Variants in PPP4R2 observed in about 807,000 individuals in gnomAD.
The protein encoded by PPP4R2 is serine/threonine-protein phosphatase 4 regulatory subunit 2.
PPP4R2 carries 13 observed loss-of-function variants against 47.2 expected under a neutral mutation model. That is an observed-to-expected ratio of 0.28 (90% CI 0.18 to 0.44). The LOEUF is 0.44. Among genes scored for constraint, PPP4R2 ranks in the 20% least tolerant of loss-of-function variants. PPP4R2 has a pLI of 1.00. For synonymous variants in PPP4R2, 151 were observed against 163.3 expected, an observed-to-expected ratio of 0.92 and a Z score of 0.57; for missense variants, 421 against 491.2, an observed-to-expected ratio of 0.86 and a Z score of 1.35.
At chr3:73,003,336 T>C (rs1312495950) in intron 2 of PPP4R2, among the ~76,000 whole-genome samples, 1 of 151,840 alleles carries the variant, frequency 6.6e-6, no homozygotes, top group Non-Finnish European at 1.5e-5. Context: ...CTCAGCCTCC[T>C]GAGTAGCTGG....
chr3:73,015,867 T>C, intron 2 of PPP4R2: 1 of 401,286 alleles, frequency 2.5e-6, no homozygotes, highest in Non-Finnish European at 5.1e-6. Flanking sequence ...CTCGATCTCC[T>C]GACCTCGTGA....
At chr3:73,018,252 T>C (rs866676034) in intron 2 of PPP4R2, among the ~76,000 whole-genome samples, 11 of 152,118 alleles carry the variant, frequency 7.2e-5, no homozygotes, top group African/African-American at 2.7e-4. Context: ...ATTTGTAGGA[T>C]GTGTGAAACC....
chr3:73,061,099 ATATT>A (rs1358692428), intron 5 of PPP4R2, 39 bp downstream of exon 5: 2 of 952,574 alleles, frequency 2.1e-6, no homozygotes, highest in Non-Finnish European at 3.0e-6. Context: ...ATTATTTACT[ATATT>A]TAATCATTTT....
chr3:73,004,984 TG>T (rs1559546047), intron 2 of PPP4R2, among the ~76,000 whole-genome samples: 1 of 147,760 alleles, frequency 6.8e-6, no homozygotes, highest in East Asian at 2.0e-4. Context: ...TGTGTGTGTG[TG>T]TGTGTTTTGA....
At chr3:73,042,296 T>G (rs12638019) in intron 2 of PPP4R2, among the ~76,000 whole-genome samples, 20,324 of 151,668 alleles carry the variant, frequency 0.13, 1,636 homozygotes, top group East Asian at 0.36. Context: ...CCTAAGAAAT[T>G]GTTTTTGTTG....
At chr3:73,062,666 TG>T in intron 5 of PPP4R2, 1 of 1,613,974 alleles carries the variant, frequency 6.2e-7, no homozygotes, top group East Asian at 2.2e-5. Context: ...GCATTGCGGC[TG>T]GATCAAGTGA....
chr3:73,020,099 A>C (rs988027599), intron 2 of PPP4R2, among the ~76,000 whole-genome samples: 6 of 152,190 alleles, frequency 3.9e-5, no homozygotes, highest in African/African-American at 1.4e-4. Flanking sequence ...GACTTAATAG[A>C]AATTTATTTC....
intron 2 of PPP4R2, among the ~76,000 whole-genome samples, chr3:73,033,120 T>A (rs1446939885): frequency 6.6e-6 from 1 of 152,240 alleles, no homozygotes; most frequent in Non-Finnish European, 1.5e-5. Context: ...TTGGTTTACA[T>A]CATTGTTTTG....
chr3:73,020,874 T>C (rs1701946257), intron 2 of PPP4R2, among the ~76,000 whole-genome samples: 1 of 151,886 alleles, frequency 6.6e-6, no homozygotes, highest in Non-Finnish European at 1.5e-5. Context: ...AGAGTATAAG[T>C]TCTCAGGTGT....
intron 2 of PPP4R2, among the ~76,000 whole-genome samples, chr3:73,043,758 T>A (rs577222307): frequency 6.6e-6 from 1 of 152,356 alleles, no homozygotes; most frequent in South Asian, 2.1e-4. Context: ...TATTGAAATA[T>A]ACCTAATGTA....
intron 3 of PPP4R2, among the ~76,000 whole-genome samples, chr3:73,048,258 ATTTTGTTTTG>A (rs201494380): frequency 1.3e-5 from 2 of 151,218 alleles, no homozygotes; most frequent in Middle Eastern, 7.0e-3. Flanking sequence ...TTTTTGTTTT[ATTTTGTTTTG>A]TTTTGAGACA....
chr3:73,001,056 T>C (rs889504834), intron 2 of PPP4R2, among the ~76,000 whole-genome samples: 2 of 152,140 alleles, frequency 1.3e-5, no homozygotes, highest in Non-Finnish European at 2.9e-5. Flanking sequence ...TATAAGAATA[T>C]GTTCCAAGCT....
At position 72,997,155 on chromosome 3, in the gene PPP4R2, C is replaced by G. The variant is rs530722724; in HGVS notation, c.34+84C>G. 1.0e-4 allele frequency: 118 copies of G among 1,132,616 alleles called. No homozygotes were observed. In the South Asian group the frequency reaches 3.6e-3, roughly 35 times the overall value. 70.2% of individuals were successfully genotyped at this position (1,132,616 alleles called of 1,614,324 possible). On this transcript the variant is annotated intron_variant, in intron 1 of 8. Coordinates refer to ENST00000356692, the MANE Select transcript of PPP4R2 (RefSeq NM_174907.4). ...CTTTCAGGGCGGATGGTTCCGAGGA[C>G]CGGGGCCGGGCGCGGCGTGGGGAGA...
chr3:73,029,361 T>G (rs1206093277), intron 2 of PPP4R2, among the ~76,000 whole-genome samples: 1 of 152,232 alleles, frequency 6.6e-6, no homozygotes, highest in Non-Finnish European at 1.5e-5. Context: ...GCAGGGGTAT[T>G]GAAATCAGGC....
chr3:73,032,477 C>CG (rs1421852344), intron 2 of PPP4R2, among the ~76,000 whole-genome samples: 7 of 151,754 alleles, frequency 4.6e-5, no homozygotes, highest in African/African-American at 1.7e-4. Context: ...TTAGTAGAGG[C>CG]GGGGTTTTAC....
intron 5 of PPP4R2, 66 bp downstream of exon 5, chr3:73,061,126 A>T: frequency 1.4e-6 from 1 of 709,566 alleles, no homozygotes; most frequent in Non-Finnish European, 2.2e-6. Flanking sequence ...TGCTTCTAAT[A>T]TATTATTCTT....
intron 1 of PPP4R2, among the ~76,000 whole-genome samples, chr3:72,997,822 C>T (rs1701381607): frequency 6.6e-6 from 1 of 152,150 alleles, no homozygotes; most frequent in Non-Finnish European, 1.5e-5. Flanking sequence ...CCCCGGACCA[C>T]ACTTCGAGAA....
chr3:73,062,521 A>G (rs1702886443), intron 5 of PPP4R2: 1 of 1,613,896 alleles, frequency 6.2e-7, no homozygotes, highest in Non-Finnish European at 8.5e-7. Context: ...GGTGTGAGCA[A>G]GAGGTCTAAT....
At chr3:73,058,457 T>G (rs563926675) in intron 3 of PPP4R2, among the ~76,000 whole-genome samples, 4 of 152,144 alleles carry the variant, frequency 2.6e-5, no homozygotes, top group Admixed American at 2.0e-4. Context: ...ATATAAAAAT[T>G]TTTTCCTCAG....
Sources: allele counts gnomAD v4.1 joint callset (sites outside exome capture counted in the v4.1 genomes callset), GRCh38; gene constraint gnomAD v4.1.1; transcripts MANE v1.5; gene names NCBI Gene and HGNC (gene_info 2026-07-23, HGNC 2026-07-21).